MAF: variants seen among roughly 807,000 people sequenced by gnomAD.
MAF encodes transcription factor Maf.
A neutral mutation model predicts 22.0 loss-of-function variants in MAF; 10 were observed. The ratio of observed to expected loss-of-function variants is 0.45; its 90% CI spans 0.28 to 0.77. The LOEUF is 0.77. Among genes scored for constraint, MAF ranks in the 30% least tolerant of loss-of-function variants. The pLI is 0.12. For missense variants in MAF, 544 were observed against 548.4 expected (o/e 0.99, Z 0.08); for synonymous variants, 337 against 255.8 (o/e 1.32, Z -3.03).
At chr16:79,415,558 C>A in the MAF span, among the ~76,000 whole-genome samples, 1 of 152,144 alleles carries the variant, frequency 6.6e-6, no homozygotes, top group Non-Finnish European at 1.5e-5. Flanking sequence ...AGAGATGCTG[C>A]CTTGCTCAGT....
chr16:79,506,045 C>T, the MAF span, among the ~76,000 whole-genome samples: 2 of 152,006 alleles, frequency 1.3e-5, no homozygotes, highest in South Asian at 2.1e-4. Context: ...GAGGAGAAGT[C>T]GTCATTTTTT....
chr16:79,401,357 G>C, the MAF span, among the ~76,000 whole-genome samples: 1,656 of 152,184 alleles, frequency 0.011, 32 homozygotes, highest in African/African-American at 0.038. Context: ...CTCTCTCCTA[G>C]ACCCCATGAA....
At chr16:79,429,645 C>A in the MAF span, among the ~76,000 whole-genome samples, 110 of 152,246 alleles carry the variant, frequency 7.2e-4, no homozygotes, top group Non-Finnish European at 8.2e-4. Flanking sequence ...GTTTCTCGGG[C>A]TCCTCTCCCA....
chr16:79,254,133 A>T, the MAF span, among the ~76,000 whole-genome samples: 14 of 152,238 alleles, frequency 9.2e-5, no homozygotes, highest in South Asian at 2.9e-3. Context: ...ATGCCTCATT[A>T]AAAGTGTGTA....
the MAF span, among the ~76,000 whole-genome samples, chr16:79,279,449 A>G: frequency 1.3e-5 from 2 of 152,196 alleles, no homozygotes; most frequent in Non-Finnish European, 2.9e-5. Flanking sequence ...CGCACACTCC[A>G]TGGACTTGCT....
chr16:79,540,588 A>C, the MAF span, among the ~76,000 whole-genome samples: 1 of 152,206 alleles, frequency 6.6e-6, no homozygotes, highest in East Asian at 1.9e-4. Flanking sequence ...GGCATGGTCA[A>C]CTGGCTAGGA....
the MAF span, among the ~76,000 whole-genome samples, chr16:79,263,996 G>T: frequency 3.9e-5 from 6 of 152,270 alleles, no homozygotes; most frequent in East Asian, 1.2e-3. Flanking sequence ...CTTTCCTGTG[G>T]CAAGAGAGCC....
chr16:79,519,520 G>A, the MAF span, among the ~76,000 whole-genome samples: 1 of 152,128 alleles, frequency 6.6e-6, no homozygotes, highest in East Asian at 1.9e-4. Context: ...GCATGTTCTG[G>A]CCTCCCTTAC....
At chr16:79,255,977 CTTTTCTT>C in the MAF span, among the ~76,000 whole-genome samples, 416 of 107,972 alleles carry the variant, frequency 3.9e-3, 10 homozygotes, top group Admixed American at 0.026. Context: ...TTTTTCTTTT[CTTTTCTT>C]TTTTTTTTTT....
At chr16:79,408,789 G>T in the MAF span, among the ~76,000 whole-genome samples, 2 of 151,542 alleles carry the variant, frequency 1.3e-5, no homozygotes, top group African/African-American at 4.9e-5. Context: ...AGATACTAAG[G>T]ATACAGAAAA....
chr16:79,522,766 G>C, the MAF span, among the ~76,000 whole-genome samples: 1 of 152,126 alleles, frequency 6.6e-6, no homozygotes, highest in Non-Finnish European at 1.5e-5. Context: ...TGGGGCTTTG[G>C]GCAAAAGTCA....
the MAF span, among the ~76,000 whole-genome samples, chr16:79,273,226 G>A: frequency 3.9e-5 from 6 of 152,254 alleles, no homozygotes; most frequent in Admixed American, 1.3e-4. Flanking sequence ...AACCCCGGCT[G>A]AGACACAATG....
the MAF span, among the ~76,000 whole-genome samples, chr16:79,514,349 G>C: frequency 6.6e-6 from 1 of 152,194 alleles, no homozygotes; most frequent in Non-Finnish European, 1.5e-5. Context: ...TGGTGGGGGA[G>C]TGGTTTACAG....
At chr16:79,449,982 G>A in the MAF span, among the ~76,000 whole-genome samples, 1 of 152,172 alleles carries the variant, frequency 6.6e-6, no homozygotes, top group Non-Finnish European at 1.5e-5. Context: ...GAATAGTTTG[G>A]AATTGACAGA....
At chr16:79,344,808 T>C in the MAF span, among the ~76,000 whole-genome samples, 1 of 152,236 alleles carries the variant, frequency 6.6e-6, no homozygotes, top group African/African-American at 2.4e-5. Flanking sequence ...ATATTCTTGC[T>C]AAAGGTAGAA....
chr16:79,372,871 C>A, the MAF span, among the ~76,000 whole-genome samples: 1 of 152,186 alleles, frequency 6.6e-6, no homozygotes, highest in African/African-American at 2.4e-5. Context: ...TATTTCTCAC[C>A]CACTGCAGGA....
the MAF span, among the ~76,000 whole-genome samples, chr16:79,302,742 G>C: frequency 6.6e-6 from 1 of 152,232 alleles, no homozygotes; most frequent in Non-Finnish European, 1.5e-5. Context: ...GAAGTTAAAT[G>C]TTGGCATTTG....
the MAF span, among the ~76,000 whole-genome samples, chr16:79,459,412 A>G: frequency 6.6e-6 from 1 of 152,154 alleles, no homozygotes; most frequent in South Asian, 2.1e-4. Flanking sequence ...GGAGAGTCGT[A>G]TTATGTACCA....
chr16:79,262,060 C>T, the MAF span, among the ~76,000 whole-genome samples: 55 of 152,286 alleles, frequency 3.6e-4, no homozygotes, highest in Admixed American at 5.9e-4. Context: ...CAGGCAGTCA[C>T]ATTCAGGGCA....
Sources: gnomAD v4.1 joint callset for allele counts (sites outside exome capture counted in the v4.1 genomes callset) on GRCh38, gnomAD v4.1.1 for gene constraint, MANE v1.5 for transcripts, NCBI Gene and HGNC (gene_info 2026-07-23, HGNC 2026-07-21) for gene names.